ITPKA: variants seen among roughly 807,000 people sequenced by gnomAD.
The protein encoded by ITPKA is inositol-trisphosphate 3-kinase A, also known as IP3 3-kinase A.
A neutral mutation model predicts 40.7 loss-of-function variants in ITPKA; 16 were observed. The ratio of observed to expected loss-of-function variants is 0.39; its 90% confidence interval spans 0.27 to 0.60. The LOEUF (loss-of-function observed/expected upper bound fraction) is 0.60. Ranked by LOEUF, ITPKA falls within the 20% of genes least tolerant of loss-of-function variation. The pLI is 0.50. For synonymous variants in ITPKA, 313 were observed against 289.9 expected (o/e 1.08, Z -0.81); for missense variants, 540 against 649.3 (o/e 0.83, Z 1.83).
chr15:41,494,030 C>T lies in ITPKA; in HGVS notation c.103C>T (p.Arg35Cys), dbSNP rs970988792. ...CCCGCGCCGGAGTGTCGGGGAGCTG[C>T]GCCTGCTCTTCGAGGCGCGCTGTGC... ...RAPRRSVGEL[R>C]LLFEARCAAV... The change falls in exon 1 of 7, where the codon CGC becomes TGC. Residue 35 changes from arginine to cysteine, a missense_variant. By Grantham distance (180) the Arg-to-Cys change is radical. Coordinates refer to ENST00000260386, the MANE Select transcript of ITPKA (RefSeq NM_002220.3). The surrounding 1 kb of genome is among the most constrained non-coding windows in gnomAD (Gnocchi z 7.8). 5 of 1,202,738 alleles carry T rather than the reference C, an allele frequency of 4.2e-6. No individual in the cohort carries two copies. In the African/African-American group the frequency reaches 8.0e-5, roughly 19 times the overall value. The allele number at this position is 1,202,738 out of a possible 1,614,324, so 74.5% of individuals were successfully genotyped here. A position where few individuals can be genotyped will look rare whatever the true frequency, so the allele number is the denominator to read the frequency against.
chr15:41,502,303 G>A (rs2051120937), intron 4 of ITPKA, 99 bp from the exon 5 acceptor site: 1 of 1,043,930 alleles, frequency 9.6e-7, no homozygotes, highest in Non-Finnish European at 1.4e-6. Flanking sequence ...CTCTCCCACC[G>A]CCTCGCCGTC....
chr15:41,497,389 G>A (rs1402698029), intron 1 of ITPKA, among the ~76,000 whole-genome samples: 2 of 152,094 alleles, frequency 1.3e-5, no homozygotes, highest in African/African-American at 2.4e-5. Flanking sequence ...CCACCACACC[G>A]GCTAAGTTTT....
intron 1 of ITPKA, among the ~76,000 whole-genome samples, chr15:41,496,367 G>C (rs1380651898): frequency 6.6e-6 from 1 of 152,180 alleles, no homozygotes. Context: ...CTGCCTGCCT[G>C]CCTGCCTACC....
Position 41,503,039 on chromosome 15 carries a change from C to G in ITPKA, c.1259C>G (p.Thr420Ser). The change falls in exon 7 of 7, where the codon ACC becomes AGC. Residue 420 changes from threonine (T) to serine (S), a missense_variant. By Grantham distance (58) the Thr-to-Ser change is moderately conservative. Coordinates refer to ENST00000260386, the MANE Select transcript of ITPKA (RefSeq NM_002220.3). ...GTGTGGCTCATCGACTTCGGCAAGA[C>G]CACGCCCCTCCCCGATGGCCAGATC... ...AGVWLIDFGK[T>S]TPLPDGQILD... The G allele has an allele frequency of 6.2e-7, 1 of 1,610,792 alleles. No homozygotes were observed. The highest frequency in any genetic ancestry group is 8.5e-7 in the Non-Finnish European group (1 of 1,178,096).
At chr15:41,495,679 C>T (rs1024865294) in intron 1 of ITPKA, among the ~76,000 whole-genome samples, 32 of 152,302 alleles carry the variant, frequency 2.1e-4, no homozygotes, top group Non-Finnish European at 2.8e-4. Context: ...TTGCCTAGGT[C>T]GGGGGGCGGA....
chr15:41,495,241 G>A (rs576787739), intron 1 of ITPKA, among the ~76,000 whole-genome samples: 2 of 152,348 alleles, frequency 1.3e-5, no homozygotes, highest in South Asian at 4.1e-4. Flanking sequence ...TGTTCCCCTC[G>A]TTTTAACCAA....
At chr15:41,501,367 G>C (rs2140677084) in intron 1 of ITPKA, 96 bp from the exon 2 acceptor site, 1 of 1,513,216 alleles carries the variant, frequency 6.6e-7, no homozygotes, top group East Asian at 2.5e-5. Flanking sequence ...GCTGCTTCCG[G>C]TGGGTCGGGG....
chr15:41,495,070 C>T (rs965157582), intron 1 of ITPKA, among the ~76,000 whole-genome samples: 3 of 152,234 alleles, frequency 2.0e-5, no homozygotes, highest in Non-Finnish European at 4.4e-5. Context: ...GGGCGGTAAA[C>T]TGAGGCTGCA....
At chr15:41,500,583 C>T (rs923994527) in intron 1 of ITPKA, among the ~76,000 whole-genome samples, 2 of 152,192 alleles carry the variant, frequency 1.3e-5, no homozygotes, top group Non-Finnish European at 2.9e-5. Flanking sequence ...GCCTATCATG[C>T]TTAAGCCTTA....
At chr15:41,499,276 C>A (rs151248350) in intron 1 of ITPKA, among the ~76,000 whole-genome samples, 1 of 152,304 alleles carries the variant, frequency 6.6e-6, no homozygotes, top group African/African-American at 2.4e-5. Flanking sequence ...ACCCCCAGAT[C>A]CCTGGGGATT....
chr15:41,495,394 CGGCGCGGCGGGGCGGGG>C (rs2051063689), intron 1 of ITPKA, among the ~76,000 whole-genome samples: 1 of 152,212 alleles, frequency 6.6e-6, no homozygotes, highest in Non-Finnish European at 1.5e-5. Flanking sequence ...AAGTCCGGGT[CGGCGCGGCGGGGCGGGG>C]AGAGCTGTGG....
At chr15:41,500,907 G>A (rs897406239) in intron 1 of ITPKA, among the ~76,000 whole-genome samples, 6 of 151,354 alleles carry the variant, frequency 4.0e-5, no homozygotes, top group Non-Finnish European at 7.4e-5. Flanking sequence ...TACTCGGGAG[G>A]CTGAAACAAG....
intron 5 of ITPKA, 45 bp from the exon 6 acceptor site, chr15:41,502,743 G>A: frequency 2.0e-6 from 3 of 1,519,284 alleles, no homozygotes; most frequent in African/African-American, 1.4e-5. Context: ...GGGCTCATTT[G>A]GCGTTTAGTT....
At position 41,501,977 on chromosome 15, in the gene ITPKA, C is replaced by G; in HGVS notation, c.804-20C>G. 6.2e-7 allele frequency: 1 copy of G among 1,608,716 alleles called. No individual in the cohort carries two copies. The highest frequency in any genetic ancestry group is 8.5e-7 in the Non-Finnish European group (1 of 1,177,246). ...CGTGTGCGCCCCCTCATGCCCTGGC[C>G]GCTGCCTGCGCCCCCACAGGACTTA... On this transcript the variant is annotated intron_variant, in intron 3 of 6. Coordinates refer to ENST00000260386, the MANE Select transcript of ITPKA (RefSeq NM_002220.3).
chr15:41,496,017 T>C (rs1337215772), intron 1 of ITPKA, among the ~76,000 whole-genome samples: 1 of 152,224 alleles, frequency 6.6e-6, no homozygotes, highest in Non-Finnish European at 1.5e-5. Context: ...AAATCGCCGC[T>C]GAGGGCCCTT....
chr15:41,501,402 G>A, intron 1 of ITPKA, 61 bp from the exon 2 acceptor site: 1 of 1,550,564 alleles, frequency 6.4e-7, no homozygotes, highest in East Asian at 2.4e-5. Context: ...TGTTTCAGTG[G>A]AGGGAGGGCT....
At chr15:41,502,374 G>A (rs1215840942) in intron 4 of ITPKA, 28 bp from the exon 5 acceptor site, 1 of 1,526,136 alleles carries the variant, frequency 6.6e-7, no homozygotes, top group South Asian at 1.1e-5. Context: ...CGGGCCCGGG[G>A]CCCCTGACAC....
chr15:41,494,059 G>T lies in ITPKA; in HGVS notation c.132G>T (p.Ala44=), dbSNP rs1161902070. ...LRLLFEARCA[A]VAAAAAAGEP... ...TGCTCTTCGAGGCGCGCTGTGCGGC[G>T]GTCGCTGCGGCCGCCGCCGCGGGGG... Residue 44 remains alanine, a synonymous_variant, in exon 1 of 7, where the codon GCG becomes GCT. Transcript: ENST00000260386. The surrounding 1 kb of genome is among the most constrained non-coding windows in gnomAD (Gnocchi z 7.8). 4.9e-6 allele frequency: 6 copies of T among 1,233,450 alleles called. No individual in the cohort carries two copies. Among genetic ancestry groups the T allele is most frequent in the Non-Finnish European group, 4.0e-6 (4 of 990,016 alleles). The allele number at this position is 1,233,450 out of a possible 1,614,324, so 76.4% of individuals were successfully genotyped here.
rs996774893 is a variant in ITPKA at position 41,494,421 on chromosome 15, G to A, written c.489+5G>A. On this transcript the variant is annotated splice_donor_5th_base_variant and intron_variant, in intron 1 of 6. Coordinates refer to ENST00000260386, the MANE Select transcript of ITPKA (RefSeq NM_002220.3). This position sits in a 1 kb window ranked among gnomAD's most constrained non-coding sequence, Gnocchi z 7.8. ...GCGGGCGAGGACGTGGGTCAGGTACGGGCCGCGGGGGCGGGGCCAGCGCCG... is the reference window on the plus strand; with the variant it reads ...GCGGGCGAGGACGTGGGTCAGGTACAGGCCGCGGGGGCGGGGCCAGCGCCG... The A allele has an allele frequency of 7.0e-7, 1 of 1,418,666 alleles. No homozygotes were observed. Among genetic ancestry groups the A allele is most frequent in the Non-Finnish European group, 9.2e-7 (1 of 1,087,934 alleles). 87.9% of individuals were successfully genotyped at this position (1,418,666 alleles called of 1,614,324 possible).
Sources: allele counts gnomAD v4.1 joint callset (sites outside exome capture counted in the v4.1 genomes callset), GRCh38; gene constraint gnomAD v4.1.1; non-coding constraint Gnocchi (gnomAD v3.1); transcripts MANE v1.5; gene names NCBI Gene and HGNC (gene_info 2026-07-23, HGNC 2026-07-21).